C13orf42: variants seen among roughly 807,000 people sequenced by gnomAD.
The protein encoded by C13orf42 is uncharacterized protein C13orf42.
chr13:51,105,284 A>C lies in C13orf42; in HGVS notation c.414+5512T>G, dbSNP rs192206970. 3.2e-3 allele frequency among the ~76,000 whole-genome samples: 491 copies of C among 152,306 alleles called. 2 individuals carry two copies. The highest frequency in any genetic ancestry group is 0.011 in the African/African-American group (458 of 41,564). ...GTGTGGTTACAGCTGGGGCTCTGAGAAATCACCATAGGAATTCTGGTCTTG... is the reference window on the plus strand; with the variant it reads ...GTGTGGTTACAGCTGGGGCTCTGAGCAATCACCATAGGAATTCTGGTCTTG... On this transcript the variant is annotated intron_variant, in intron 1 of 3. Transcript: ENST00000563710.
chr13:51,157,860 A>G (rs1047167616), intron 1 of C13orf42, among the ~76,000 whole-genome samples: 9 of 152,230 alleles, frequency 5.9e-5, no homozygotes, highest in East Asian at 1.9e-4. Flanking sequence ...GCTCTCACAA[A>G]AGATTTAAAA....
Position 51,084,458 on chromosome 13 carries a change from CA to C in C13orf42, c.804-134del, listed in dbSNP as rs543131424. 6.6e-4 allele frequency: 263 copies of C among 396,348 alleles called. 1 individual carries two copies. In the East Asian group the frequency reaches 9.1e-3, roughly 14 times the overall value. The allele number at this position is 396,348 out of a possible 1,614,324, so 24.6% of individuals were successfully genotyped here. ...CCTAGTCCTGGGTCTTGGGGAGGAC[CA>C]AATGGTGTCGCCATGGGGGCCATGG... On this transcript the variant is annotated intron_variant, in intron 3 of 3. Coordinates refer to ENST00000563710, the MANE Select transcript of C13orf42 (RefSeq NM_001351589.3).
chr13:51,100,349 G>T (rs1482361033), intron 1 of C13orf42, among the ~76,000 whole-genome samples: 2 of 152,018 alleles, frequency 1.3e-5, no homozygotes, highest in Non-Finnish European at 2.9e-5. Context: ...AATGAAAAGA[G>T]GTATAATAAC....
chr13:51,121,199 G>C (rs1953532675), intron 1 of C13orf42, among the ~76,000 whole-genome samples: 2 of 152,128 alleles, frequency 1.3e-5, no homozygotes, highest in South Asian at 2.1e-4. Flanking sequence ...CACTGCGAAG[G>C]ATTCACCAAG....
intron 1 of C13orf42, among the ~76,000 whole-genome samples, chr13:51,146,214 C>T (rs967211420): frequency 3.3e-5 from 5 of 151,646 alleles, no homozygotes; most frequent in African/African-American, 9.7e-5. Flanking sequence ...TTGGAACACC[C>T]CCAAGCTTTG....
chr13:51,094,627 C>T (rs1357062664), intron 1 of C13orf42, among the ~76,000 whole-genome samples: 1 of 152,144 alleles, frequency 6.6e-6, no homozygotes, highest in Non-Finnish European at 1.5e-5. Context: ...ATTTACTCTT[C>T]AAAAAGTATC....
intron 1 of C13orf42, among the ~76,000 whole-genome samples, chr13:51,104,235 A>G (rs1425041513): frequency 6.6e-6 from 1 of 152,214 alleles, no homozygotes; most frequent in Non-Finnish European, 1.5e-5. Flanking sequence ...AATCCTTTGG[A>G]TGAATTATTA....
At chr13:51,157,880 G>T (rs1038461193) in intron 1 of C13orf42, among the ~76,000 whole-genome samples, 2 of 152,190 alleles carry the variant, frequency 1.3e-5, no homozygotes, top group African/African-American at 4.8e-5. Flanking sequence ...ATCTCTCAGA[G>T]GATTTGTAAG....
chr13:51,129,123 TG>T (rs1056545031), intron 1 of C13orf42, among the ~76,000 whole-genome samples: 4 of 152,228 alleles, frequency 2.6e-5, no homozygotes, highest in Non-Finnish European at 4.4e-5. Context: ...AAGCTTCTGT[TG>T]TTAATTGTAT....
chr13:51,123,192 C>T (rs915446130), intron 1 of C13orf42, among the ~76,000 whole-genome samples: 5 of 152,204 alleles, frequency 3.3e-5, no homozygotes, highest in South Asian at 2.1e-4. Context: ...TGTTACAGGT[C>T]GGTCAGGATG....
At chr13:51,107,097 TCCTGACTTCCTCCTCCCATC>T (rs1321203928) in intron 1 of C13orf42, among the ~76,000 whole-genome samples, 4 of 152,196 alleles carry the variant, frequency 2.6e-5, no homozygotes, top group African/African-American at 4.8e-5. Flanking sequence ...TTCTAGTGTG[TCCTGACTTCCTCCTCCCATC>T]GACCCACATG....
intron 1 of C13orf42, among the ~76,000 whole-genome samples, chr13:51,130,170 T>C (rs1249568322): frequency 6.6e-6 from 1 of 152,192 alleles, no homozygotes; most frequent in African/African-American, 2.4e-5. Flanking sequence ...CTTTGGGAAA[T>C]AAAAACAGCC....
chr13:51,146,475 C>A (rs983613994), intron 1 of C13orf42, among the ~76,000 whole-genome samples: 8 of 152,194 alleles, frequency 5.3e-5, no homozygotes, highest in Non-Finnish European at 1.2e-4. Context: ...TAAGGACGCA[C>A]GCCCATGACA....
rs185513420 is a variant in C13orf42 at position 51,124,792 on chromosome 13, C to A, written n.137-11570G>T. Among the ~76,000 whole-genome samples, 459 of 152,292 alleles carry A rather than the reference C, an allele frequency of 3.0e-3. 1 individual carries two copies. The highest frequency in any genetic ancestry group is 0.01 in the African/African-American group (432 of 41,574). ...CCACCCACTTAGGTATTCGGTCTGA[C>A]CTTCCAGCTGCTTCCATGACCTTCC... On this transcript the variant is annotated intron_variant and non_coding_transcript_variant, in intron 1 of 4. Transcript: ENST00000433280.
At chr13:51,144,005 G>A (rs1274602233) in intron 1 of C13orf42, among the ~76,000 whole-genome samples, 1 of 152,078 alleles carries the variant, frequency 6.6e-6, no homozygotes, top group Non-Finnish European at 1.5e-5. Flanking sequence ...GTGTGCCATG[G>A]AGGTAACTAA....
At chr13:51,088,300 GACA>G (rs149167173) in intron 1 of C13orf42, among the ~76,000 whole-genome samples, 4,553 of 152,272 alleles carry the variant, frequency 0.03, 97 homozygotes, top group Non-Finnish European at 0.044. Flanking sequence ...AGAGTGAAAG[GACA>G]ACAAGATCTA....
intron 2 of C13orf42, among the ~76,000 whole-genome samples, chr13:51,087,440 C>T (rs1212904761): frequency 6.6e-6 from 1 of 152,008 alleles, no homozygotes; most frequent in Non-Finnish European, 1.5e-5. Flanking sequence ...TAAAATTTAC[C>T]ATCATCACCA....
chr13:51,163,825 T>A (rs1457412903), intron 1 of C13orf42, among the ~76,000 whole-genome samples: 1 of 152,098 alleles, frequency 6.6e-6, no homozygotes, highest in South Asian at 2.1e-4. Context: ...AAAGTCCCAC[T>A]GGGGACACAT....
intron 1 of C13orf42, among the ~76,000 whole-genome samples, chr13:51,133,136 A>C (rs1214356332): frequency 6.6e-6 from 1 of 152,190 alleles, no homozygotes; most frequent in Non-Finnish European, 1.5e-5. Flanking sequence ...CCATTCCTTT[A>C]TTCCTCTACT....
Sources: allele counts gnomAD v4.1 joint callset (sites outside exome capture counted in the v4.1 genomes callset), GRCh38; gene constraint gnomAD v4.1.1; transcripts MANE v1.5; gene names NCBI Gene and HGNC (gene_info 2026-07-23, HGNC 2026-07-21).